Variants in TYW1B observed in about 807,000 individuals in gnomAD.
TYW1B encodes the protein S-adenosyl-L-methionine-dependent tRNA 4-demethylwyosine synthase TYW1B.
TYW1B carries 73 observed loss-of-function variants against 86.9 expected under a neutral mutation model. The observed-to-expected ratio is 0.84, with a 90% CI of 0.70 to 1.02. The LOEUF is 1.02. Ranked by LOEUF, TYW1B falls within the 50% of genes least tolerant of loss-of-function variation. The pLI is 0.00. For missense variants in TYW1B, 637 were observed against 827.4 expected (o/e 0.77, Z 2.82); for synonymous variants, 248 against 292.8 (o/e 0.85, Z 1.56).
chr7:72,649,421 A>G (rs1554442468), intron 11 of TYW1B, among the ~76,000 whole-genome samples: 1 of 152,190 alleles, frequency 6.6e-6, no homozygotes, highest in African/African-American at 2.4e-5. Flanking sequence ...AAGAGAAACA[A>G]TGTCATAAAA....
At chr7:72,701,318 C>T (rs1814466108) in intron 10 of TYW1B, among the ~76,000 whole-genome samples, 1 of 152,108 alleles carries the variant, frequency 6.6e-6, no homozygotes, top group African/African-American at 2.4e-5. Flanking sequence ...GGCTGGAGTG[C>T]AGTCGCATGA....
At chr7:72,741,075 G>A (rs1177794735) in intron 8 of TYW1B, among the ~76,000 whole-genome samples, 1 of 151,958 alleles carries the variant, frequency 6.6e-6, no homozygotes, top group African/African-American at 2.4e-5. Flanking sequence ...TACAAACCAT[G>A]CAAAGAAACA....
intron 13 of TYW1B, among the ~76,000 whole-genome samples, chr7:72,602,714 G>C (rs1811693665): frequency 6.6e-6 from 1 of 152,144 alleles, no homozygotes; most frequent in Non-Finnish European, 1.5e-5. Flanking sequence ...CACTGAATTT[G>C]TATCGCTTTC....
intron 8 of TYW1B, among the ~76,000 whole-genome samples, chr7:72,732,486 T>C (rs1432805894): frequency 6.6e-6 from 1 of 152,126 alleles, no homozygotes; most frequent in African/African-American, 2.4e-5. Context: ...TACAAAGTAA[T>C]GGAAACCAAA....
chr7:72,728,784 C>T, intron 9 of TYW1B, 38 bp downstream of exon 9: 1 of 1,580,458 alleles, frequency 6.3e-7, no homozygotes, highest in Non-Finnish European at 8.6e-7. Context: ...AGACTATTAA[C>T]AAGTATTAGC....
intron 13 of TYW1B, among the ~76,000 whole-genome samples, chr7:72,594,994 G>A (rs1453980157): frequency 1.3e-5 from 2 of 152,056 alleles, no homozygotes; most frequent in Non-Finnish European, 2.9e-5. Context: ...CTATCTTAAC[G>A]TAATAAAAGC....
rs1554481890 is a variant in TYW1B, at chr7:72,828,200, T to C, written c.-125A>G. On this transcript the variant is annotated 5_prime_UTR_variant, in exon 1 of 14. Coordinates refer to ENST00000620995, the MANE Select transcript of TYW1B (RefSeq NM_001145440.3). ...GCCGTACCGAGTGGCTGCAGAACTG[T>C]GGGCAGCTACGACGCTGCCAGGCCC... is the stretch of plus-strand genomic sequence containing the variant. 4 of 1,542,082 alleles carry C rather than the reference T, an allele frequency of 2.6e-6. No individual in the cohort carries two copies. Among genetic ancestry groups the C allele is most frequent in the Non-Finnish European group, 3.5e-6 (4 of 1,135,702 alleles).
intron 6 of TYW1B, among the ~76,000 whole-genome samples, chr7:72,798,665 G>A (rs1788351863): frequency 6.6e-6 from 1 of 152,106 alleles, no homozygotes; most frequent in African/African-American, 2.4e-5. Context: ...ATGGATAAAT[G>A]CATATGTGAT....
In TYW1B at chr7:72,756,401, A is replaced by AT. The variant is rs782177753; in HGVS notation, c.965-11801dup. On this transcript the variant is annotated intron_variant, in intron 7 of 13. Transcript: ENST00000620995. ...AGGCATGCGCCACCATGCCCAGTTA[A>AT]TTTTTTTTTTTTTAGTAGAGACGGG... Among the ~76,000 whole-genome samples the AT allele has an allele frequency of 1.3e-3, 183 of 143,826 alleles. 2 individuals carry two copies. The highest frequency in any genetic ancestry group is 1.3e-3 in the African/African-American group (53 of 39,544). 94.4% of individuals were successfully genotyped at this position (143,826 alleles called of 152,430 possible). A position where few individuals can be genotyped will look rare whatever the true frequency, so the allele number is the denominator to read the frequency against.
chr7:72,731,417 AAG>A (rs1186879781), intron 8 of TYW1B, among the ~76,000 whole-genome samples: 2 of 145,350 alleles, frequency 1.4e-5, no homozygotes, highest in African/African-American at 2.5e-5. Context: ...AAAAAAAAAC[AAG>A]AGAGTAAGAA....
chr7:72,691,811 T>C (rs540106132), intron 11 of TYW1B, among the ~76,000 whole-genome samples: 8 of 152,138 alleles, frequency 5.3e-5, no homozygotes, highest in Non-Finnish European at 1.2e-4. Flanking sequence ...TTCCCGGGCA[T>C]AAAACAGCAA....
chr7:72,652,999 A>C (rs1472651170), intron 11 of TYW1B, among the ~76,000 whole-genome samples: 1 of 152,212 alleles, frequency 6.6e-6, no homozygotes, highest in African/African-American at 2.4e-5. Flanking sequence ...CCAACTAATG[A>C]ATATGCAGCA....
chr7:72,670,644 C>T (rs1251983783), intron 11 of TYW1B, among the ~76,000 whole-genome samples: 1 of 152,182 alleles, frequency 6.6e-6, no homozygotes, highest in Non-Finnish European at 1.5e-5. Context: ...ATTCTGCTCG[C>T]TTTCTGAGGA....
At chr7:72,672,023 G>A (rs6980381) in intron 11 of TYW1B, among the ~76,000 whole-genome samples, 31,079 of 149,366 alleles carry the variant, frequency 0.21, 3,670 homozygotes, top group African/African-American at 0.36. Context: ...CCCACGTTGT[G>A]GGGGGACCTG....
intron 6 of TYW1B, among the ~76,000 whole-genome samples, chr7:72,782,100 A>T (rs1181708481): frequency 3.3e-5 from 5 of 152,134 alleles, no homozygotes; most frequent in Admixed American, 3.3e-4. Context: ...CCTGGGCAAC[A>T]TAGTGAGATC....
chr7:72,672,609 C>T (rs1327876053), intron 11 of TYW1B, among the ~76,000 whole-genome samples: 2 of 151,932 alleles, frequency 1.3e-5, no homozygotes, highest in Admixed American at 1.3e-4. Context: ...GGGCAGTACT[C>T]GAGGGATGTA....
intron 11 of TYW1B, among the ~76,000 whole-genome samples, chr7:72,646,352 G>A (rs556623983): frequency 6.6e-6 from 1 of 151,834 alleles, no homozygotes; most frequent in Non-Finnish European, 1.5e-5. Flanking sequence ...ATAAGCCACT[G>A]TGCCTGGCCT....
chr7:72,677,490 T>C (rs1345008778), intron 11 of TYW1B, among the ~76,000 whole-genome samples: 2 of 152,056 alleles, frequency 1.3e-5, no homozygotes, highest in African/African-American at 4.8e-5. Flanking sequence ...AAAAAACACA[T>C]GGGCATGGAA....
intron 6 of TYW1B, among the ~76,000 whole-genome samples, chr7:72,791,485 A>C (rs1213954716): frequency 1.3e-5 from 2 of 152,188 alleles, no homozygotes; most frequent in Non-Finnish European, 2.9e-5. Context: ...GGACTTAAGA[A>C]CAATAGAACA....
Sources: gnomAD v4.1 joint callset for allele counts (sites outside exome capture counted in the v4.1 genomes callset) on GRCh38, gnomAD v4.1.1 for gene constraint, MANE v1.5 for transcripts, NCBI Gene and HGNC (gene_info 2026-07-23, HGNC 2026-07-21) for gene names.